Variants in RGP1 observed in about 807,000 individuals in gnomAD.
RGP1 encodes the protein RAB6A-GEF complex partner protein 2.
Under a neutral mutation model 44.5 loss-of-function variants are expected in RGP1, and 28 were observed. That is an observed-to-expected ratio of 0.63 (90% CI 0.47 to 0.86). The LOEUF is 0.86. Ranked by LOEUF, RGP1 falls within the 40% of genes least tolerant of loss-of-function variation. The pLI is 0.00. For missense variants in RGP1, 417 were observed against 490.7 expected (o/e 0.85, Z 1.42); for synonymous variants, 212 against 196.7 (o/e 1.08, Z -0.65).
At position 35,758,531 on chromosome 9, in the gene RGP1, T is replaced by C. The variant is rs1827389004; in HGVS notation, c.*5657T>C. 6.6e-6 allele frequency: 1 copy of C among 152,144 alleles called. No homozygotes were observed. Among genetic ancestry groups the C allele is most frequent in the Non-Finnish European group, 1.5e-5 (1 of 68,026 alleles). 9.4% of individuals were successfully genotyped at this position (152,144 alleles called of 1,614,324 possible). A position where few individuals can be genotyped will look rare whatever the true frequency, so the allele number is the denominator to read the frequency against. ...ATAAATTATAAAGATCCCTAAACTCTGCATTGCCTTTGGTCCCAAACAAGC... is the reference window on the plus strand; with the variant it reads ...ATAAATTATAAAGATCCCTAAACTCCGCATTGCCTTTGGTCCCAAACAAGC... On this transcript the variant is annotated 3_prime_UTR_variant, in exon 9 of 9. Coordinates refer to ENST00000378078, the MANE Select transcript of RGP1 (RefSeq NM_001080496.3).
At chr9:35,771,746 A>C in the RGP1 span, among the ~76,000 whole-genome samples, 1 of 152,260 alleles carries the variant, frequency 6.6e-6, no homozygotes, top group African/African-American at 2.4e-5. Flanking sequence ...TTAAAAAACA[A>C]AGATGTGATT....
the RGP1 span, among the ~76,000 whole-genome samples, chr9:35,788,435 G>A: frequency 2.0e-5 from 3 of 151,972 alleles, no homozygotes; most frequent in Non-Finnish European, 4.4e-5. Flanking sequence ...GCATGGTGGC[G>A]GGCGCCTGTA....
rs1001878224 is a variant in RGP1, at chr9:35,754,461, G to A, written c.*1587G>A. The A allele has an allele frequency of 4.0e-5, 8 of 201,000 alleles. No individual in the cohort carries two copies. In the Admixed American group the frequency reaches 4.1e-4, roughly 10 times the overall value. 12.5% of individuals were successfully genotyped at this position (201,000 alleles called of 1,614,324 possible). A position where few individuals can be genotyped will look rare whatever the true frequency, so the allele number is the denominator to read the frequency against. The stretch of plus-strand genomic sequence containing the variant: ...AGGGAGGGAGGTGGCCATGGAGGGG[G>A]CACTGGACTGGGCACTTCCCCAGCA... On this transcript the variant is annotated 3_prime_UTR_variant, in exon 9 of 9. Coordinates refer to ENST00000378078, the MANE Select transcript of RGP1 (RefSeq NM_001080496.3).
chr9:35,774,589 T>G, the RGP1 span, among the ~76,000 whole-genome samples: 7 of 152,088 alleles, frequency 4.6e-5, no homozygotes, highest in African/African-American at 1.4e-4. Context: ...CCGGGCGTGT[T>G]GGCGGGCGCC....
At chr9:35,751,899 G>C (rs1827271565) in intron 7 of RGP1, 57 bp from the exon 8 acceptor site, 2 of 1,558,458 alleles carry the variant, frequency 1.3e-6, no homozygotes, top group Admixed American at 3.7e-5. Context: ...AGGTTGGGCT[G>C]TCCTCTCACC....
At position 35,753,395 on chromosome 9, in the gene RGP1, T is replaced by C; in HGVS notation, c.*521T>C. The C allele has an allele frequency of 1.7e-6, 2 of 1,168,192 alleles. No homozygotes were observed. The highest frequency in any genetic ancestry group is 2.4e-6 in the Non-Finnish European group (2 of 837,088). The allele number at this position is 1,168,192 out of a possible 1,614,324, so 72.4% of individuals were successfully genotyped here. On this transcript the variant is annotated 3_prime_UTR_variant, in exon 9 of 9. Coordinates refer to ENST00000378078, the MANE Select transcript of RGP1 (RefSeq NM_001080496.3). The surrounding 1 kb of genome is among the most constrained non-coding windows in gnomAD (Gnocchi z 4.2). ...CCACAGAGCCCCTTTCAGTGGCCCC[T>C]TGGTCCTCCTAACTAAGCTGTCACC...
chr9:35,779,899 C>A, the RGP1 span, among the ~76,000 whole-genome samples: 1 of 151,530 alleles, frequency 6.6e-6, no homozygotes, highest in Non-Finnish European at 1.5e-5. Context: ...CCACACTCGG[C>A]TAATTAAAAA....
chr9:35,753,537 G>A lies in RGP1; in HGVS notation c.*663G>A, dbSNP rs987008283. 1.1e-5 allele frequency: 10 copies of A among 885,184 alleles called. No individual in the cohort carries two copies. In the African/African-American group the frequency reaches 1.5e-4, roughly 13 times the overall value. The allele number at this position is 885,184 out of a possible 1,614,324, so 54.8% of individuals were successfully genotyped here. ...TTTCACACTAGTGTTGGTCCCTTCA[G>A]GTTTGGCCCATCTTGTATTGCTCTT... On this transcript the variant is annotated 3_prime_UTR_variant, in exon 9 of 9. Transcript: ENST00000378078. This position sits in a 1 kb window ranked among gnomAD's most constrained non-coding sequence, Gnocchi z 4.2.
At chr9:35,772,728 T>G in the RGP1 span, among the ~76,000 whole-genome samples, 5 of 151,072 alleles carry the variant, frequency 3.3e-5, no homozygotes, top group South Asian at 1.0e-3. Flanking sequence ...GAGGCGGAGC[T>G]TGCAGTGAGC....
At position 35,754,217 on chromosome 9, in the gene RGP1, T is replaced by G; in HGVS notation, c.*1343T>G. On this transcript the variant is annotated 3_prime_UTR_variant, in exon 9 of 9. Transcript: ENST00000378078. Reference sequence around the variant, plus strand: ...CTTGACTTTGCTTTGCGTTGCTCCTTGAGTCTTAGTTTCTGTCTTTCTCCC... The same window carrying G: ...CTTGACTTTGCTTTGCGTTGCTCCTGGAGTCTTAGTTTCTGTCTTTCTCCC... 6.7e-7 allele frequency: 1 copy of G among 1,494,416 alleles called. No homozygotes were observed. The highest frequency in any genetic ancestry group is 2.3e-5 in the East Asian group (1 of 43,176). The allele number at this position is 1,494,416 out of a possible 1,614,324, so 92.6% of individuals were successfully genotyped here. A position where few individuals can be genotyped will look rare whatever the true frequency, so the allele number is the denominator to read the frequency against.
the RGP1 span, among the ~76,000 whole-genome samples, chr9:35,781,408 AG>A: frequency 1.1e-4 from 1 of 9,002 alleles, no homozygotes; most frequent in Non-Finnish European, 2.1e-4. Context: ...GGGTGGGGGG[AG>A]GGGGTGGGGG....
At chr9:35,759,757 A>G (rs1827402562), downstream of RGP1, among the ~76,000 whole-genome samples, 1 of 151,324 alleles carries the variant, frequency 6.6e-6, no homozygotes, top group Non-Finnish European at 1.5e-5. Flanking sequence ...TTCCTTTCTG[A>G]TATAATTATT....
chr9:35,776,478 G>C, the RGP1 span, among the ~76,000 whole-genome samples: 1 of 151,616 alleles, frequency 6.6e-6, no homozygotes, highest in African/African-American at 2.4e-5. Flanking sequence ...GTAGAGACAG[G>C]GTTTCATTAT....
chr9:35,778,803 T>C, the RGP1 span, among the ~76,000 whole-genome samples: 16,743 of 152,196 alleles, frequency 0.11, 1,134 homozygotes, highest in African/African-American at 0.18. Flanking sequence ...TGAAATGATA[T>C]GTAAAATGTT....
At chr9:35,763,881 C>CAA in the RGP1 span, among the ~76,000 whole-genome samples, 184 of 81,788 alleles carry the variant, frequency 2.2e-3, 3 homozygotes, top group South Asian at 5.3e-3. Context: ...GACTCCATCT[C>CAA]AAAAAAAAAA....
chr9:35,769,554 C>T, the RGP1 span, among the ~76,000 whole-genome samples: 1 of 152,094 alleles, frequency 6.6e-6, no homozygotes, highest in African/African-American at 2.4e-5. Context: ...TTGGAGTACA[C>T]ATATTTGGGA....
rs1827345723 is a variant in RGP1, at chr9:35,755,522, C to T, written c.*2648C>T. 1 of 152,260 alleles carries T rather than the reference C, an allele frequency of 6.6e-6. No individual in the cohort carries two copies. The highest frequency in any genetic ancestry group is 2.4e-5 in the African/African-American group (1 of 41,412). The allele number at this position is 152,260 out of a possible 1,614,324, so 9.4% of individuals were successfully genotyped here. ...GTTTTGTGGAAAACAATTTTTCCAC[C>T]AGTGGATGGAGGGGGATAGCAGCGG... is the stretch of plus-strand genomic sequence containing the variant. On this transcript the variant is annotated 3_prime_UTR_variant, in exon 9 of 9. Transcript: ENST00000378078.
downstream of RGP1, among the ~76,000 whole-genome samples, chr9:35,761,606 C>T (rs550109239): frequency 1.6e-4 from 24 of 151,946 alleles, 1 homozygote; most frequent in South Asian, 5.0e-3. Context: ...CCTGGGAGGT[C>T]GATGCTGCAG....
Position 35,753,025 on chromosome 9 carries a change from C to T in RGP1, c.*151C>T, listed in dbSNP as rs1171763205. 6.4e-7 allele frequency: 1 copy of T among 1,568,652 alleles called. No homozygotes were observed. The highest frequency in any genetic ancestry group is 8.7e-7 in the Non-Finnish European group (1 of 1,146,662). On this transcript the variant is annotated 3_prime_UTR_variant, in exon 9 of 9. Coordinates refer to ENST00000378078, the MANE Select transcript of RGP1 (RefSeq NM_001080496.3). This position sits in a 1 kb window ranked among gnomAD's most constrained non-coding sequence, Gnocchi z 4.2. ...AGCATTAATTTATTTGTTCAGAATA[C>T]ATTGGCAGCTGCTAGTGGTTTCCCT... is the stretch of plus-strand genomic sequence containing the variant.
Sources: allele counts gnomAD v4.1 joint callset (sites outside exome capture counted in the v4.1 genomes callset), GRCh38; gene constraint gnomAD v4.1.1; non-coding constraint Gnocchi (gnomAD v3.1); transcripts MANE v1.5; gene names NCBI Gene and HGNC (gene_info 2026-07-23, HGNC 2026-07-21).